The following KCNQ1OT1 variants were observed in gnomAD, a reference collection of about 807,000 sequenced individuals.
The protein encoded by KCNQ1OT1 is KCNQ1 opposite strand/antisense transcript 1.
chr11:2,627,759 CTTTCTT>C lies in KCNQ1OT1; in HGVS notation n.72230_72235del, dbSNP rs899722430. The C allele has an allele frequency of 5.8e-5, 23 of 397,932 alleles. No homozygotes were observed. Among genetic ancestry groups the C allele is most frequent in the Non-Finnish European group, 9.7e-5 (22 of 225,966 alleles). The allele number at this position is 397,932 out of a possible 1,614,324, so 24.7% of individuals were successfully genotyped here. A position where few individuals can be genotyped will look rare whatever the true frequency, so the allele number is the denominator to read the frequency against. On this transcript the variant is annotated non_coding_transcript_exon_variant, in exon 1 of 1. Coordinates refer to ENST00000597346, the Ensembl canonical transcript of KCNQ1OT1. The surrounding 1 kb of genome is among the most constrained non-coding windows in gnomAD (Gnocchi z 4.9). Reference sequence around the variant, plus strand: ...TACACACACACACACTATTTTCTTCCTTTCTTTTTGAGACAGGGTCTCCATCTGTCA... The same window carrying C: ...TACACACACACACACTATTTTCTTCCTTTGAGACAGGGTCTCCATCTGTCA...
Position 2,654,271 on chromosome 11 carries a change from AGGGCTTTGGT to A in KCNQ1OT1, n.45714_45723del. On this transcript the variant is annotated non_coding_transcript_exon_variant, in exon 1 of 1. Transcript: ENST00000597346. This position sits in a 1 kb window ranked among gnomAD's most constrained non-coding sequence, Gnocchi z 6.4. ...TTCTCCTTCACAGTGCAGGATCCGC[AGGGCTTTGGT>A]GAATCCACTGAGAGGGGGAGATTTC... The A allele has an allele frequency of 2.5e-6, 1 of 398,504 alleles. No homozygotes were observed. The highest frequency in any genetic ancestry group is 4.4e-6 in the Non-Finnish European group (1 of 226,162). 24.7% of individuals were successfully genotyped at this position (398,504 alleles called of 1,614,324 possible).
In KCNQ1OT1 at chr11:2,613,870, T is replaced by C. The variant is rs1304959399; in HGVS notation, n.86125A>G. 1 of 398,494 alleles carries C rather than the reference T, an allele frequency of 2.5e-6. No individual in the cohort carries two copies. The highest frequency in any genetic ancestry group is 4.4e-6 in the Non-Finnish European group (1 of 226,064). The allele number at this position is 398,494 out of a possible 1,614,324, so 24.7% of individuals were successfully genotyped here. On this transcript the variant is annotated non_coding_transcript_exon_variant, in exon 1 of 1. Coordinates refer to ENST00000597346, the Ensembl canonical transcript of KCNQ1OT1. The surrounding 1 kb of genome is among the most constrained non-coding windows in gnomAD (Gnocchi z 4.8). ...TTATAGTTTGTGTGTGTTTGCTCTT[T>C]ATAAGACATGATTATTTTCTCATTT...
exon 1 of KCNQ1OT1, chr11:2,632,492 G>A (rs1447628192): frequency 5.0e-6 from 2 of 398,108 alleles, no homozygotes; most frequent in Non-Finnish European, 8.9e-6. Flanking sequence ...GCTCCTTGTG[G>A]GTTTTTCTTC....
At position 2,683,593 on chromosome 11, in the gene KCNQ1OT1, C is replaced by T. The variant is rs1850435726; in HGVS notation, n.16402G>A. The T allele has an allele frequency of 5.0e-6, 2 of 398,596 alleles. No individual in the cohort carries two copies. Among genetic ancestry groups the T allele is most frequent in the Non-Finnish European group, 8.8e-6 (2 of 226,068 alleles). The allele number at this position is 398,596 out of a possible 1,614,324, so 24.7% of individuals were successfully genotyped here. ...CATCACAAACACTGCCCTGAAATGC[C>T]AACTCATTTCAAATACTGCTCTAGA... On this transcript the variant is annotated non_coding_transcript_exon_variant, in exon 1 of 1. Coordinates refer to ENST00000597346, the Ensembl canonical transcript of KCNQ1OT1. This position sits in a 1 kb window ranked among gnomAD's most constrained non-coding sequence, Gnocchi z 4.7.
Position 2,695,595 on chromosome 11 carries a change from T to C in KCNQ1OT1, n.4400A>G, listed in dbSNP as rs1850661815. The C allele has an allele frequency of 5.0e-6, 2 of 398,432 alleles. No individual in the cohort carries two copies. Among genetic ancestry groups the C allele is most frequent in the Non-Finnish European group, 4.4e-6 (1 of 226,078 alleles). 24.7% of individuals were successfully genotyped at this position (398,432 alleles called of 1,614,324 possible). ...ACACACAGCCTCTCGTTGTTCTGGGTGAGAACTGCTCCAGCATGTTTACTT... is the reference window on the plus strand; with the variant it reads ...ACACACAGCCTCTCGTTGTTCTGGGCGAGAACTGCTCCAGCATGTTTACTT... On this transcript the variant is annotated non_coding_transcript_exon_variant, in exon 1 of 1. Transcript: ENST00000597346. This position sits in a 1 kb window ranked among gnomAD's most constrained non-coding sequence, Gnocchi z 5.2.
At position 2,669,662 on chromosome 11, in the gene KCNQ1OT1, C is replaced by T. The variant is rs1299664359; in HGVS notation, n.30333G>A. On this transcript the variant is annotated non_coding_transcript_exon_variant, in exon 1 of 1. Transcript: ENST00000597346. The surrounding 1 kb of genome is among the most constrained non-coding windows in gnomAD (Gnocchi z 5.6). Reference sequence around the variant, plus strand: ...TTGTATACATTGGGAGTATATCTCACAGTATTAGTGTAAGGCCTTGAGGAG... The same window carrying T: ...TTGTATACATTGGGAGTATATCTCATAGTATTAGTGTAAGGCCTTGAGGAG... 2.3e-5 allele frequency: 9 copies of T among 398,484 alleles called. No homozygotes were observed. The highest frequency in any genetic ancestry group is 4.4e-5 in the Admixed American group (1 of 22,714). 24.7% of individuals were successfully genotyped at this position (398,484 alleles called of 1,614,324 possible). A position where few individuals can be genotyped will look rare whatever the true frequency, so the allele number is the denominator to read the frequency against.
rs185488896 is a variant in KCNQ1OT1 at position 2,643,167 on chromosome 11, G to A, written n.56828C>T. The A allele has an allele frequency of 7.5e-6, 3 of 398,262 alleles. No individual in the cohort carries two copies. The Admixed American group carries it at 1.3e-4, about 18-fold the overall frequency. 24.7% of individuals were successfully genotyped at this position (398,262 alleles called of 1,614,324 possible). Reference sequence around the variant, plus strand: ...TTTATGAACTGGTCTGTAAATGTCTGTTAGGTCCATTTGGTATAAAGTGCA... The same window carrying A: ...TTTATGAACTGGTCTGTAAATGTCTATTAGGTCCATTTGGTATAAAGTGCA... On this transcript the variant is annotated non_coding_transcript_exon_variant, in exon 1 of 1. Transcript: ENST00000597346.
At chr11:2,672,832 G>A (rs1323720472) in exon 1 of KCNQ1OT1, 1 of 398,674 alleles carries the variant, frequency 2.5e-6, no homozygotes, top group African/African-American at 2.1e-5. Context: ...CCCAACTCTG[G>A]GTTCTGCCTG....
rs1848999631 is a variant in KCNQ1OT1 at position 2,612,632 on chromosome 11, T to G, written n.87363A>C. ...ATATTGATATTATCTATTTGATGAGTCTTTGTCATCACACTTGCATTCTTT... is the reference window on the plus strand; with the variant it reads ...ATATTGATATTATCTATTTGATGAGGCTTTGTCATCACACTTGCATTCTTT... On this transcript the variant is annotated non_coding_transcript_exon_variant, in exon 1 of 1. Transcript: ENST00000597346. The surrounding 1 kb of genome is among the most constrained non-coding windows in gnomAD (Gnocchi z 5.5). The G allele has an allele frequency of 1.0e-5, 4 of 398,432 alleles. No homozygotes were observed. Among genetic ancestry groups the G allele is most frequent in the African/African-American group, 8.2e-5 (4 of 48,620 alleles). 24.7% of individuals were successfully genotyped at this position (398,432 alleles called of 1,614,324 possible). A position where few individuals can be genotyped will look rare whatever the true frequency, so the allele number is the denominator to read the frequency against.
rs574680013 is a variant in KCNQ1OT1, at chr11:2,678,533, G to A, written n.21462C>T. ...TCTATTCTGGACTGCTGATGGGCCT[G>A]TTGATAGGCCAGAGCTCAGTTATTT... On this transcript the variant is annotated non_coding_transcript_exon_variant, in exon 1 of 1. Coordinates refer to ENST00000597346, the Ensembl canonical transcript of KCNQ1OT1. The surrounding 1 kb of genome is among the most constrained non-coding windows in gnomAD (Gnocchi z 4.9). 8.5e-5 allele frequency: 34 copies of A among 398,560 alleles called. No homozygotes were observed. In the South Asian group the frequency reaches 1.8e-3, roughly 21 times the overall value. The allele number at this position is 398,560 out of a possible 1,614,324, so 24.7% of individuals were successfully genotyped here. A position where few individuals can be genotyped will look rare whatever the true frequency, so the allele number is the denominator to read the frequency against.
At chr11:2,644,005 C>T (rs1007324950) in exon 1 of KCNQ1OT1, 33 of 398,322 alleles carry the variant, frequency 8.3e-5, no homozygotes, top group Admixed American at 4.4e-5. Flanking sequence ...TGTCTACAAC[C>T]TCTTTTATCG....
chr11:2,647,815 A>G lies in KCNQ1OT1; in HGVS notation n.52180T>C. 2.5e-6 allele frequency: 1 copy of G among 398,070 alleles called. No homozygotes were observed. Among genetic ancestry groups the G allele is most frequent in the Non-Finnish European group, 4.4e-6 (1 of 225,970 alleles). 24.7% of individuals were successfully genotyped at this position (398,070 alleles called of 1,614,324 possible). On this transcript the variant is annotated non_coding_transcript_exon_variant, in exon 1 of 1. Transcript: ENST00000597346. The surrounding 1 kb of genome is among the most constrained non-coding windows in gnomAD (Gnocchi z 4.0). ...ATAATGGTCTCTAATAATCTTTTGTATTTCTGTGGTGTCCATTGTAAGTCT... is the reference window on the plus strand; with the variant it reads ...ATAATGGTCTCTAATAATCTTTTGTGTTTCTGTGGTGTCCATTGTAAGTCT...
Position 2,651,336 on chromosome 11 carries a change from C to T in KCNQ1OT1, n.48659G>A, listed in dbSNP as rs188375579. ...AGAACACTCCTCAGAGTTCTACAAG[C>T]GGCTGAGAGAGCTGGGGTATTTATC... On this transcript the variant is annotated non_coding_transcript_exon_variant, in exon 1 of 1. Transcript: ENST00000597346. This position sits in a 1 kb window ranked among gnomAD's most constrained non-coding sequence, Gnocchi z 6.1. 6.0e-5 allele frequency: 24 copies of T among 398,716 alleles called. No individual in the cohort carries two copies. Among genetic ancestry groups the T allele is most frequent in the Admixed American group, 4.4e-4 (10 of 22,744 alleles). The allele number at this position is 398,716 out of a possible 1,614,324, so 24.7% of individuals were successfully genotyped here.
exon 1 of KCNQ1OT1, chr11:2,625,345 C>T (rs1434209209): frequency 1.0e-5 from 4 of 398,444 alleles, no homozygotes; most frequent in African/African-American, 8.2e-5. Flanking sequence ...CAACCTAGAC[C>T]TCTGGGCTTA....
At position 2,673,805 on chromosome 11, in the gene KCNQ1OT1, C is replaced by T. The variant is rs973291619; in HGVS notation, n.26190G>A. 7.5e-6 allele frequency: 3 copies of T among 398,604 alleles called. No homozygotes were observed. Among genetic ancestry groups the T allele is most frequent in the Admixed American group, 8.8e-5 (2 of 22,722 alleles). 24.7% of individuals were successfully genotyped at this position (398,604 alleles called of 1,614,324 possible). ...TCTGGTGCAAAGGGCAGTGATGGCC[C>T]TTCAATCCCAGGCCCACAAGCACCA... On this transcript the variant is annotated non_coding_transcript_exon_variant, in exon 1 of 1. Coordinates refer to ENST00000597346, the Ensembl canonical transcript of KCNQ1OT1. The surrounding 1 kb of genome is among the most constrained non-coding windows in gnomAD (Gnocchi z 4.5).
At position 2,682,820 on chromosome 11, in the gene KCNQ1OT1, G is replaced by T; in HGVS notation, n.17175C>A. ...TGCAGTGACTTGCAGTGATCCTCCT[G>T]GGGCCTTGTATAGAAGAGACCATCT... is the stretch of plus-strand genomic sequence containing the variant. On this transcript the variant is annotated non_coding_transcript_exon_variant, in exon 1 of 1. Transcript: ENST00000597346. The surrounding 1 kb of genome is among the most constrained non-coding windows in gnomAD (Gnocchi z 5.8). 1 of 398,598 alleles carries T rather than the reference G, an allele frequency of 2.5e-6. No homozygotes were observed. Among genetic ancestry groups the T allele is most frequent in the Non-Finnish European group, 4.4e-6 (1 of 226,070 alleles). The allele number at this position is 398,598 out of a possible 1,614,324, so 24.7% of individuals were successfully genotyped here.
In KCNQ1OT1 at chr11:2,673,106, G is replaced by A; in HGVS notation, n.26889C>T. 2.5e-6 allele frequency: 1 copy of A among 398,936 alleles called. No individual in the cohort carries two copies. The highest frequency in any genetic ancestry group is 4.4e-6 in the Non-Finnish European group (1 of 226,280). 24.7% of individuals were successfully genotyped at this position (398,936 alleles called of 1,614,324 possible). ...TAGGCCTTCACGGTACTCAGCAGGA[G>A]ACCCCAGCAGGCAGCATCAGGGCAG... On this transcript the variant is annotated non_coding_transcript_exon_variant, in exon 1 of 1. Coordinates refer to ENST00000597346, the Ensembl canonical transcript of KCNQ1OT1. The surrounding 1 kb of genome is among the most constrained non-coding windows in gnomAD (Gnocchi z 4.5).
At chr11:2,696,477 C>T (rs1018615733) in exon 1 of KCNQ1OT1, 15 of 398,542 alleles carry the variant, frequency 3.8e-5, no homozygotes, top group East Asian at 7.1e-5. Flanking sequence ...CTGAAGTTGG[C>T]GTGTGCCCTG....
In KCNQ1OT1 at chr11:2,695,671, A is replaced by T. The variant is rs1850663188; in HGVS notation, n.4324T>A. The stretch of plus-strand genomic sequence containing the variant: ...TATAAAATATTTTATTTGAGGAAGA[A>T]GTGTTGGCCAGCTCTTCAGAACGTC... On this transcript the variant is annotated non_coding_transcript_exon_variant, in exon 1 of 1. Coordinates refer to ENST00000597346, the Ensembl canonical transcript of KCNQ1OT1. This position sits in a 1 kb window ranked among gnomAD's most constrained non-coding sequence, Gnocchi z 5.2. The T allele has an allele frequency of 1.0e-5, 4 of 398,592 alleles. No homozygotes were observed. The East Asian group carries it at 1.4e-4, about 14-fold the overall frequency. The allele number at this position is 398,592 out of a possible 1,614,324, so 24.7% of individuals were successfully genotyped here.
Sources: allele counts gnomAD v4.1 joint callset, GRCh38; gene constraint gnomAD v4.1.1; non-coding constraint Gnocchi (gnomAD v3.1); transcripts MANE v1.5; gene names NCBI Gene and HGNC (gene_info 2026-07-23, HGNC 2026-07-21).